Variants in MXRA5 observed in about 807,000 individuals in gnomAD.
MXRA5 encodes the protein matrix remodeling associated 5.
A neutral mutation model predicts 112.5 loss-of-function variants in MXRA5; 41 were observed. That is an observed-to-expected ratio of 0.36 (90% CI 0.28 to 0.47). The LOEUF (loss-of-function observed/expected upper bound fraction) is 0.47, where lower values mean the gene tolerates loss of function less well. Ranked by LOEUF, MXRA5 falls within the 20% of genes least tolerant of loss-of-function variation. MXRA5 has a pLI of 0.99. For synonymous variants in MXRA5, 862 were observed against 900.8 expected (o/e 0.96, Z 0.77); for missense variants, 2,150 against 2,251.0 (o/e 0.96, Z 0.91).
At position 3,308,654 on chromosome X, in the gene MXRA5, A is replaced by G. The variant is rs1487208321; in HGVS notation, c.*1062T>C. On this transcript the variant is annotated 3_prime_UTR_variant, in exon 7 of 7. Transcript: ENST00000217939. ...CAGTCATGGAAATAACAGGTCGTGTATTATTCATGGGCACAAACTGACTCA... is the reference window on the plus strand; with the variant it reads ...CAGTCATGGAAATAACAGGTCGTGTGTTATTCATGGGCACAAACTGACTCA... 2 of 112,016 alleles carry G rather than the reference A, an allele frequency of 1.8e-5. No homozygotes were observed. Among genetic ancestry groups the G allele is most frequent in the African/African-American group, 3.3e-5 (1 of 30,763 alleles). 9.2% of individuals were successfully genotyped at this position (112,016 alleles called of 1,213,427 possible).
In MXRA5 at chrX:3,317,582, C is replaced by T. The variant is rs142320215; in HGVS notation, c.6099G>A (p.Ala2033=). The T allele has an allele frequency of 2.1e-3, 2,587 of 1,209,264 alleles. 43 individuals are homozygous for T. The African/African-American group carries it at 0.038, about 18-fold the overall frequency. The change falls in exon 6 of 7, where the codon GCG becomes GCA. Residue 2033 remains alanine (A), a synonymous_variant. Transcript: ENST00000217939. ...CGTGCAGGCGGATGGCCAGGCTGTC[C>T]GCCCCGGCTGCATTGCTGGCCACGC... ...YKCVASNAAG[A]DSLAIRLHVA... is the part of the protein sequence containing the mutation.
At chrX:3,336,673 T>C (rs746127342) in intron 2 of MXRA5, among the ~76,000 whole-genome samples, 1 of 112,327 alleles carries the variant, frequency 8.9e-6, no homozygotes, top group East Asian at 2.8e-4. Flanking sequence ...TTGTAGAGGC[T>C]ACAAGGGTGA....
At position 3,343,806 on chromosome X, in the gene MXRA5, G is replaced by T. The variant is rs778325549; in HGVS notation, c.28C>A (p.Leu10Ile). ...CAAAGCAGGATCAGCACCACGGAGA[G>T]GGCCCCCCAGTGCGCGCGCTTGGGC... Reference protein sequence around the residue: MPKRAHWGALSVVLILLWGH... With the variant: MPKRAHWGAISVVLILLWGH... The change falls in exon 2 of 7, where the codon CTC (leucine) becomes ATC (isoleucine). Residue 10 changes from leucine (L) to isoleucine (I), a missense_variant. By Grantham distance (5) the Leu-to-Ile change is conservative. Around this residue, in one of 6 missense-constraint regions of MXRA5, gnomAD observed 386 missense variants for 411.0 expected, o/e 0.94. Coordinates refer to ENST00000217939, the MANE Select transcript of MXRA5 (RefSeq NM_015419.4). The T allele has an allele frequency of 2.5e-6, 3 of 1,207,008 alleles. No homozygotes were observed. The highest frequency in any genetic ancestry group is 3.4e-6 in the Non-Finnish European group (3 of 892,391).
At chrX:3,341,390 A>T (rs866139409) in intron 2 of MXRA5, among the ~76,000 whole-genome samples, 1 of 23,867 alleles carries the variant, frequency 4.2e-5, no homozygotes, top group Non-Finnish European at 5.6e-5. Flanking sequence ...ATTATATATA[A>T]TATATATAAT....
chrX:3,334,822 A>T (rs1921746659), intron 2 of MXRA5, among the ~76,000 whole-genome samples: 2 of 111,732 alleles, frequency 1.8e-5, no homozygotes, highest in African/African-American at 6.5e-5. Flanking sequence ...AATCTACCTG[A>T]TACATTTCTA....
At chrX:3,340,701 T>A (rs1246716513) in intron 2 of MXRA5, among the ~76,000 whole-genome samples, 1 of 109,801 alleles carries the variant, frequency 9.1e-6, no homozygotes, top group Non-Finnish European at 1.9e-5. Flanking sequence ...TAGAGGTTAG[T>A]TATGTTTTGC....
At chrX:3,329,971 A>T (rs1310333174) in intron 4 of MXRA5, 47 bp downstream of exon 4, 8 of 1,153,762 alleles carry the variant, frequency 6.9e-6, no homozygotes, top group Non-Finnish European at 9.2e-6. Context: ...CTCCAAAAAG[A>T]TAAAAGAATG....
rs563218750 is a variant in MXRA5, at chrX:3,315,774, T to C, written c.6578+1329A>G. ...CACTATGTTGGTGTGGTAATGATGC[T>C]TTTAAAACAATGTATACACTTTGAC... On this transcript the variant is annotated intron_variant, in intron 6 of 6. Coordinates refer to ENST00000217939, the MANE Select transcript of MXRA5 (RefSeq NM_015419.4). 3.3e-4 allele frequency among the ~76,000 whole-genome samples: 36 copies of C among 110,620 alleles called. No homozygotes were observed. The South Asian group carries it at 0.013, about 41-fold the overall frequency.
rs753064443 is a variant in MXRA5 at position 3,343,758 on chromosome X, C to G, written c.76G>C (p.Ala26Pro). 1.7e-5 allele frequency: 20 copies of G among 1,209,612 alleles called. 1 individual carries two copies. The Admixed American group carries it at 2.0e-4, about 12-fold the overall frequency. ...LLWGHPRVAL[A>P]CPHPCACYVP... The stretch of plus-strand genomic sequence containing the variant: ...TAGCAGGCACAAGGATGCGGGCAGG[C>G]CAGCGCCACTCGCGGATGGCCCCAA... Residue 26 changes from alanine (A) to proline (P), a missense_variant, in exon 2 of 7, where the codon GCC (alanine) becomes CCC (proline). Transcript: ENST00000217939.
chrX:3,327,608 C>T (rs1921543461), intron 4 of MXRA5, among the ~76,000 whole-genome samples: 1 of 112,502 alleles, frequency 8.9e-6, no homozygotes, highest in Admixed American at 9.4e-5. Flanking sequence ...TAATCTATAA[C>T]CAGATGTCCC....
At chrX:3,338,390 C>CAGATAGAT (rs375943068) in intron 2 of MXRA5, among the ~76,000 whole-genome samples, 4 of 108,930 alleles carry the variant, frequency 3.7e-5, no homozygotes, top group African/African-American at 1.3e-4. Context: ...GATAGATAGA[C>CAGATAGAT]AGATAGATAG....
intron 2 of MXRA5, 151 bp downstream of exon 2, chrX:3,343,495 A>C: frequency 1.3e-5 from 7 of 553,595 alleles, no homozygotes; most frequent in Middle Eastern, 5.6e-4. Flanking sequence ...TTTTCTCTCT[A>C]TTCTGCCCAT....
chrX:3,339,899 C>T (rs1457331483), intron 2 of MXRA5, among the ~76,000 whole-genome samples: 1 of 112,034 alleles, frequency 8.9e-6, no homozygotes, highest in Non-Finnish European at 1.9e-5. Context: ...GAATGTATAA[C>T]CAACTCTGTG....
intron 2 of MXRA5, among the ~76,000 whole-genome samples, chrX:3,343,299 T>C (rs1301755759): frequency 8.9e-6 from 1 of 112,340 alleles, no homozygotes; most frequent in African/African-American, 3.2e-5. Flanking sequence ...TTAAATCATC[T>C]TCATATGTTT....
In MXRA5 at chrX:3,319,888, TA is replaced by T. The variant is rs777572470; in HGVS notation, c.5677+119del. ...GTAAAAAATTTCCCCAAATGTGTTA[TA>T]AAAATTTCTCCTAATGTGTTTATGT... On this transcript the variant is annotated intron_variant, in intron 5 of 6. Transcript: ENST00000217939. 337 of 506,346 alleles carry T rather than the reference TA, an allele frequency of 6.7e-4. 1 individual carries two copies. Among genetic ancestry groups the T allele is most frequent in the Non-Finnish European group, 9.2e-4 (300 of 325,214 alleles). The allele number at this position is 506,346 out of a possible 1,213,427, so 41.7% of individuals were successfully genotyped here. A position where few individuals can be genotyped will look rare whatever the true frequency, so the allele number is the denominator to read the frequency against.
chrX:3,322,747 G>T lies in MXRA5; in HGVS notation c.2938C>A (p.Pro980Thr). ...GGTTGTGACTTAGTCTCCAAATCTGGGTCAAAGTATTGCATGGGCTCAGAC... is the reference window on the plus strand; with the variant it reads ...GGTTGTGACTTAGTCTCCAAATCTGTGTCAAAGTATTGCATGGGCTCAGAC... ...AESEPMQYFD[P>T]DLETKSQPDE... Residue 980 changes from proline to threonine, a missense_variant, in exon 5 of 7, where the codon CCA (proline) becomes ACA (threonine). This residue lies in a region of MXRA5 where 1,485 missense variants were observed against 1,471.6 expected (regional missense o/e 1.01). Coordinates refer to ENST00000217939, the MANE Select transcript of MXRA5 (RefSeq NM_015419.4). The T allele has an allele frequency of 8.3e-7, 1 of 1,211,221 alleles. No homozygotes were observed. The highest frequency in any genetic ancestry group is 1.1e-6 in the Non-Finnish European group (1 of 895,350).
rs760295427 is a variant in MXRA5, at chrX:3,311,301, T to C, written c.6902A>G (p.Tyr2301Cys). 2.5e-6 allele frequency: 3 copies of C among 1,211,849 alleles called. No individual in the cohort carries two copies. Among genetic ancestry groups the C allele is most frequent in the South Asian group, 3.5e-5 (2 of 56,951 alleles). Residue 2301 changes from tyrosine (Y) to cysteine (C), a missense_variant, in exon 7 of 7, where the codon TAT (tyrosine) becomes TGT (cysteine). Coordinates refer to ENST00000217939, the MANE Select transcript of MXRA5 (RefSeq NM_015419.4). Reference protein sequence around the residue: ...SDDSGGRTKRYVVFNNGTLYF... With the variant: ...SDDSGGRTKRCVVFNNGTLYF... ...GAGTGTCCCATTGTTGAAGACGACATAGCGCTTGGTGCGTCCACCGCTGTC... is the reference window on the plus strand; with the variant it reads ...GAGTGTCCCATTGTTGAAGACGACACAGCGCTTGGTGCGTCCACCGCTGTC...
intron 1 of MXRA5, among the ~76,000 whole-genome samples, chrX:3,345,811 G>A (rs1922094254): frequency 8.8e-6 from 1 of 113,037 alleles, no homozygotes; most frequent in Non-Finnish European, 1.9e-5. Flanking sequence ...GCTGGGTCGC[G>A]TCGAGCTGGC....
rs369204387 is a variant in MXRA5 at position 3,321,056 on chromosome X, T to C, written c.4629A>G (p.Pro1543=). 3 of 1,212,194 alleles carry C rather than the reference T, an allele frequency of 2.5e-6. No individual in the cohort carries two copies. The highest frequency in any genetic ancestry group is 3.3e-6 in the Non-Finnish European group (3 of 895,588). The change falls in exon 5 of 7, where the codon CCA becomes CCG. Residue 1543 remains proline, a synonymous_variant. Transcript: ENST00000217939. The part of the protein sequence containing the change: ...YVGNPETEAT[P]VNNEGTQHMS... ...TATGCTGTGTTCCTTCATTGTTCAC[T>C]GGGGTTGCTTCTGTTTCTGGATTCC...
Sources: gnomAD v4.1 joint callset for allele counts (sites outside exome capture counted in the v4.1 genomes callset) on GRCh38, gnomAD v4.1.1 for gene constraint, gnomAD v4.1.1 regional missense constraint, MANE v1.5 for transcripts, NCBI Gene and HGNC (gene_info 2026-07-23, HGNC 2026-07-21) for gene names.